The following PELI2 variants were observed in gnomAD, a reference collection of about 807,000 sequenced individuals.
PELI2 encodes the protein E3 ubiquitin-protein ligase pellino homolog 2.
In PELI2, 23 loss-of-function variants were observed where a neutral mutation model predicts 42.3. The observed-to-expected ratio is 0.54, with a 90% confidence interval of 0.39 to 0.77. The LOEUF (loss-of-function observed/expected upper bound fraction) is 0.77. Ranked by LOEUF, PELI2 falls within the 30% of genes least tolerant of loss-of-function variation. The pLI is 0.00. For synonymous variants in PELI2, 245 were observed against 212.2 expected, an observed-to-expected ratio of 1.15 and a Z score of -1.34; for missense variants, 463 against 553.2, an observed-to-expected ratio of 0.84 and a Z score of 1.64.
rs1215160608 is a variant in PELI2 at position 56,213,164 on chromosome 14, T to C, written c.207+34700T>C. On this transcript the variant is annotated intron_variant, in intron 2 of 5. Transcript: ENST00000267460. ...GTCTGGAGTATCACGTTCTGAAGAA[T>C]AGGAACTCTGGCACTGGGAGACATC... is the stretch of plus-strand genomic sequence containing the variant. Among the ~76,000 whole-genome samples, 3 of 152,312 alleles carry C rather than the reference T, an allele frequency of 2.0e-5. 1 individual carries two copies. Among genetic ancestry groups the C allele is most frequent in the African/African-American group, 7.2e-5 (3 of 41,570 alleles).
chr14:56,164,108 G>A (rs1949298348), intron 1 of PELI2, among the ~76,000 whole-genome samples: 2 of 152,008 alleles, frequency 1.3e-5, no homozygotes, highest in Admixed American at 1.3e-4. Flanking sequence ...GGCGACAGTG[G>A]GCATCGTTGT....
chr14:56,196,981 AT>A (rs1886154442), intron 2 of PELI2, among the ~76,000 whole-genome samples: 1 of 151,994 alleles, frequency 6.6e-6, no homozygotes. Context: ...TATGTAACAT[AT>A]TTTTTCAGAT....
At chr14:56,226,122 T>A (rs1004780544) in intron 2 of PELI2, among the ~76,000 whole-genome samples, 6 of 151,126 alleles carry the variant, frequency 4.0e-5, no homozygotes, top group African/African-American at 1.2e-4. Context: ...TGAGCCTGAG[T>A]CGCTCTCATA....
chr14:56,257,968 T>C (rs774582935), intron 2 of PELI2, among the ~76,000 whole-genome samples: 22 of 152,184 alleles, frequency 1.4e-4, no homozygotes, highest in Non-Finnish European at 2.2e-4. Flanking sequence ...AGGTACTGTT[T>C]TGTTTGTGTG....
At chr14:56,221,696 G>C (rs770934078) in intron 2 of PELI2, among the ~76,000 whole-genome samples, 2 of 152,250 alleles carry the variant, frequency 1.3e-5, no homozygotes, top group Non-Finnish European at 2.9e-5. Context: ...ACCTTCAGCT[G>C]TCTGAAACCA....
intron 5 of PELI2, among the ~76,000 whole-genome samples, chr14:56,293,445 G>A (rs1041856929): frequency 2.6e-5 from 4 of 152,162 alleles, no homozygotes; most frequent in African/African-American, 7.2e-5. Flanking sequence ...ACCTCTCTGT[G>A]CCTGGCTTCC....
intron 1 of PELI2, among the ~76,000 whole-genome samples, chr14:56,171,951 G>A (rs1381227569): frequency 6.6e-6 from 1 of 152,148 alleles, no homozygotes; most frequent in East Asian, 1.9e-4. Context: ...GAGAGGCGGA[G>A]GTTGTCGTGA....
intron 2 of PELI2, among the ~76,000 whole-genome samples, chr14:56,213,847 G>T (rs1251519608): frequency 6.6e-6 from 1 of 152,072 alleles, no homozygotes; most frequent in East Asian, 1.9e-4. Flanking sequence ...GTTTTATTTT[G>T]GTTTTTGGTT....
Position 56,197,991 on chromosome 14 carries a change from CA to C in PELI2, c.207+19528del, listed in dbSNP as rs1886193660. 6.9e-6 allele frequency among the ~76,000 whole-genome samples: 1 copy of C among 145,218 alleles called. No homozygotes were observed. The highest frequency in any genetic ancestry group is 1.5e-5 in the Non-Finnish European group (1 of 66,618). The stretch of plus-strand genomic sequence containing the variant: ...GAAGACACACACACACACACACACA[CA>C]CACACACACACACACACACACCCAC... On this transcript the variant is annotated intron_variant, in intron 2 of 5. Coordinates refer to ENST00000267460, the MANE Select transcript of PELI2 (RefSeq NM_021255.3). The surrounding 1 kb of genome is among the most constrained non-coding windows in gnomAD (Gnocchi z 4.9).
chr14:56,278,259 T>C (rs1889359949), intron 2 of PELI2, among the ~76,000 whole-genome samples: 1 of 152,204 alleles, frequency 6.6e-6, no homozygotes, highest in African/African-American at 2.4e-5. Context: ...TCAGTTTTAT[T>C]GAGGTATAAT....
At chr14:56,270,474 T>C (rs1045728016) in intron 2 of PELI2, among the ~76,000 whole-genome samples, 7 of 152,208 alleles carry the variant, frequency 4.6e-5, no homozygotes, top group African/African-American at 1.7e-4. Flanking sequence ...TGAACCAGAC[T>C]GATTGAGGAT....
intron 1 of PELI2, among the ~76,000 whole-genome samples, chr14:56,144,395 C>T (rs1884033692): frequency 6.6e-6 from 1 of 152,218 alleles, no homozygotes; most frequent in African/African-American, 2.4e-5. Flanking sequence ...AGCTGATGTC[C>T]ACAGGTGGGA....
At chr14:56,291,400 T>G (rs991922854) in intron 5 of PELI2, among the ~76,000 whole-genome samples, 1 of 152,186 alleles carries the variant, frequency 6.6e-6, no homozygotes, top group Admixed American at 6.5e-5. Flanking sequence ...CTCTACTGGA[T>G]GTTTGTGTTT....
chr14:56,183,709 G>T (rs1885670781), intron 2 of PELI2, among the ~76,000 whole-genome samples: 1 of 152,106 alleles, frequency 6.6e-6, no homozygotes, highest in Admixed American at 6.5e-5. Context: ...TACTTAAAAT[G>T]CAATATTCAA....
At chr14:56,192,249 G>A (rs997100445) in intron 2 of PELI2, among the ~76,000 whole-genome samples, 4 of 152,132 alleles carry the variant, frequency 2.6e-5, no homozygotes, top group African/African-American at 9.7e-5. Context: ...CTTGCATTTT[G>A]TCTTTTGTTA....
rs1468393778 is a variant in PELI2 at position 56,299,093 on chromosome 14, C to T, written c.*1927C>T. The T allele has an allele frequency of 2.0e-5, 3 of 152,152 alleles. No homozygotes were observed. Among genetic ancestry groups the T allele is most frequent in the Non-Finnish European group, 4.4e-5 (3 of 68,024 alleles). 9.4% of individuals were successfully genotyped at this position (152,152 alleles called of 1,614,324 possible). A position where few individuals can be genotyped will look rare whatever the true frequency, so the allele number is the denominator to read the frequency against. On this transcript the variant is annotated 3_prime_UTR_variant, in exon 6 of 6. Coordinates refer to ENST00000267460, the MANE Select transcript of PELI2 (RefSeq NM_021255.3). The stretch of plus-strand genomic sequence containing the variant: ...CCCAAAGAATGACAAAGGAGGCACT[C>T]GTTCTCTTTTCTTGCTGTATGCCTA...
intron 1 of PELI2, among the ~76,000 whole-genome samples, chr14:56,164,333 G>A (rs1884874292): frequency 1.3e-5 from 2 of 152,080 alleles, no homozygotes; most frequent in Admixed American, 1.3e-4. Flanking sequence ...TTGATACAGT[G>A]TATCATATTG....
At chr14:56,216,367 A>G (rs1886905706) in intron 2 of PELI2, among the ~76,000 whole-genome samples, 1 of 152,206 alleles carries the variant, frequency 6.6e-6, no homozygotes, top group Admixed American at 6.5e-5. Context: ...CTCTAGGTTC[A>G]TTTCCAGGTT....
At chr14:56,236,826 G>C (rs1887812024) in intron 2 of PELI2, among the ~76,000 whole-genome samples, 1 of 152,164 alleles carries the variant, frequency 6.6e-6, no homozygotes, top group Non-Finnish European at 1.5e-5. Context: ...GTGCTGGCTT[G>C]TGATTATGAA....
Sources: gnomAD v4.1 joint callset for allele counts (sites outside exome capture counted in the v4.1 genomes callset) on GRCh38, gnomAD v4.1.1 for gene constraint, Gnocchi (gnomAD v3.1) non-coding constraint, MANE v1.5 for transcripts, NCBI Gene and HGNC (gene_info 2026-07-23, HGNC 2026-07-21) for gene names.